KLHL1: variants seen among roughly 807,000 people sequenced by gnomAD.
KLHL1 encodes kelch like family member 1, also known as kelch-like protein 1.
A neutral mutation model predicts 77.7 loss-of-function variants in KLHL1; 47 were observed. The observed-to-expected ratio is 0.60, with a 90% CI of 0.48 to 0.77. KLHL1 has a LOEUF of 0.77. KLHL1 is among the 30% of genes least tolerant of loss of function. The pLI is 0.00. For synonymous variants in KLHL1, 360 were observed against 325.2 expected (o/e 1.11, Z -1.15); for missense variants, 925 against 910.8 (o/e 1.02, Z -0.20).
intron 5 of KLHL1, among the ~76,000 whole-genome samples, chr13:69,849,784 A>AT (rs1478977829): frequency 1.3e-4 from 19 of 151,456 alleles, no homozygotes; most frequent in African/African-American, 4.4e-4. Flanking sequence ...AGGCCCCATG[A>AT]TTTGCTCAAG....
At chr13:70,039,337 G>T (rs553880849) in intron 1 of KLHL1, among the ~76,000 whole-genome samples, 160 of 152,122 alleles carry the variant, frequency 1.1e-3, no homozygotes, top group Non-Finnish European at 1.9e-3. Flanking sequence ...TCCTGCCATG[G>T]CCTCTCAAAG....
chr13:69,975,392 G>C (rs1350268164), intron 2 of KLHL1, among the ~76,000 whole-genome samples: 1 of 151,576 alleles, frequency 6.6e-6, no homozygotes, highest in Non-Finnish European at 1.5e-5. Flanking sequence ...CTTTATAATT[G>C]TTTTGTTTTT....
intron 5 of KLHL1, among the ~76,000 whole-genome samples, chr13:69,849,672 T>C (rs1593885634): frequency 6.6e-6 from 1 of 151,260 alleles, no homozygotes; most frequent in Non-Finnish European, 1.5e-5. Flanking sequence ...AGTTACCATA[T>C]ATGTAGTCAC....
At chr13:69,978,102 T>C (rs1441335161) in intron 1 of KLHL1, among the ~76,000 whole-genome samples, 1 of 152,168 alleles carries the variant, frequency 6.6e-6, no homozygotes, top group Non-Finnish European at 1.5e-5. Context: ...CTTCTCAGCA[T>C]GTATTTTAAG....
chr13:69,774,566 G>A (rs1875734120), intron 7 of KLHL1, among the ~76,000 whole-genome samples: 1 of 151,802 alleles, frequency 6.6e-6, no homozygotes, highest in African/African-American at 2.4e-5. Context: ...TTAAAATGCA[G>A]TGTGAATCTA....
At chr13:69,826,598 G>A (rs887761746) in intron 6 of KLHL1, among the ~76,000 whole-genome samples, 2 of 151,938 alleles carry the variant, frequency 1.3e-5, no homozygotes, top group Admixed American at 1.3e-4. Context: ...AAGAAAGAAA[G>A]AAATGCTGAG....
intron 6 of KLHL1, among the ~76,000 whole-genome samples, chr13:69,802,020 C>T (rs115681714): frequency 0.023 from 3,503 of 152,118 alleles, 133 homozygotes; most frequent in African/African-American, 0.081. Context: ...CCCCTTGCCC[C>T]CCTACCCCCT....
Position 69,719,469 on chromosome 13 carries a change from C to T in KLHL1, c.1915G>A (p.Gly639Ser). The T allele has an allele frequency of 6.2e-7, 1 of 1,613,476 alleles. No individual in the cohort carries two copies. Among genetic ancestry groups the T allele is most frequent in the African/African-American group, 1.3e-5 (1 of 74,922 alleles). The change falls in exon 9 of 11, where the codon GGT (glycine) becomes AGT (serine). Residue 639 changes from glycine to serine, a missense_variant. Coordinates refer to ENST00000377844, the MANE Select transcript of KLHL1 (RefSeq NM_020866.3). ...MCAPMCKRRGGVGVATCDGFL... is the reference protein window; with the variant it reads ...MCAPMCKRRGSVGVATCDGFL... Reference sequence around the variant, plus strand: ...CCGTCACATGTGGCCACTCCGACACCCCCTCTCCTCTTACACATGGGAGCA... The same window carrying T: ...CCGTCACATGTGGCCACTCCGACACTCCCTCTCCTCTTACACATGGGAGCA...
At chr13:69,886,927 G>T (rs1367778874) in intron 4 of KLHL1, among the ~76,000 whole-genome samples, 3 of 152,074 alleles carry the variant, frequency 2.0e-5, no homozygotes, top group Non-Finnish European at 4.4e-5. Flanking sequence ...ATGCACCAGA[G>T]GATATAGAAT....
chr13:69,855,840 G>GGTATTATATATGTTATATAATATATTAT (rs1879891035), intron 5 of KLHL1, among the ~76,000 whole-genome samples: 3 of 141,780 alleles, frequency 2.1e-5, no homozygotes, highest in South Asian at 2.2e-4. Context: ...TTATATATAC[G>GGTATTATATATGTTATATAATATATTAT]GTATTATATA....
At chr13:70,032,361 A>C (rs1018859832) in intron 1 of KLHL1, among the ~76,000 whole-genome samples, 1 of 152,222 alleles carries the variant, frequency 6.6e-6, no homozygotes, top group Admixed American at 6.5e-5. Flanking sequence ...GTGCTTAAAT[A>C]TCAGCCCTTA....
Position 70,046,468 on chromosome 13 carries a change from TTTTG to T in KLHL1, c.497+60731_497+60734del, listed in dbSNP as rs766929135. ...TTCATCTCACTTCATGGTCTATTGT[TTTTG>T]TTTGTTTGTTTTGTTTCATTTTGTT... On this transcript the variant is annotated intron_variant, in intron 1 of 10. Transcript: ENST00000377844. 3.9e-5 allele frequency among the ~76,000 whole-genome samples: 6 copies of T among 152,080 alleles called. No individual in the cohort carries two copies. The South Asian group carries it at 6.2e-4, about 16-fold the overall frequency.
At chr13:70,054,917 T>C (rs1593706873) in intron 1 of KLHL1, among the ~76,000 whole-genome samples, 1 of 151,690 alleles carries the variant, frequency 6.6e-6, no homozygotes, top group East Asian at 1.9e-4. Context: ...AGGAAATACA[T>C]GTGAAAGAAC....
At chr13:70,101,522 G>A (rs1200955587) in intron 1 of KLHL1, among the ~76,000 whole-genome samples, 1 of 152,078 alleles carries the variant, frequency 6.6e-6, no homozygotes, top group African/African-American at 2.4e-5. Context: ...TCCGCCTCCA[G>A]GGTTCAAGCA....
chr13:69,854,969 T>A (rs1412789307), intron 5 of KLHL1, among the ~76,000 whole-genome samples: 2 of 152,068 alleles, frequency 1.3e-5, no homozygotes, highest in Non-Finnish European at 2.9e-5. Context: ...AATTGTTGGC[T>A]ATGAATATTT....
chr13:69,975,507 A>G, intron 2 of KLHL1, 113 bp downstream of exon 2: 17 of 375,116 alleles, frequency 4.5e-5, no homozygotes, highest in Non-Finnish European at 5.9e-5. Flanking sequence ...CAAAAAACTT[A>G]AAAAAATGTG....
chr13:69,759,632 G>A lies in KLHL1; in HGVS notation c.1640-19076C>T, dbSNP rs183053183. Among the ~76,000 whole-genome samples, 79 of 152,260 alleles carry A rather than the reference G, an allele frequency of 5.2e-4. No individual in the cohort carries two copies. The East Asian group carries it at 0.014, about 26-fold the overall frequency. On this transcript the variant is annotated intron_variant, in intron 7 of 10. Transcript: ENST00000377844. ...TTGCCAGCTTACAGATAGTCTGAAT[G>A]TGGAAAAGAAAACTATCCATCTTCT...
chr13:70,107,671 T>C lies in KLHL1; in HGVS notation c.29A>G (p.Asp10Gly), dbSNP rs1219749503. MSGSGRKDF[D>G]VKHILRLRWK... ...GCGGAGTCGCAGAATGTGCTTCACA[T>C]CGAAGTCTTTTCGCCCAGAGCCTGA... The change falls in exon 1 of 11, where the codon GAT (aspartate) becomes GGT (glycine). Residue 10 changes from aspartate (D) to glycine (G), a missense_variant. Physicochemically the swap from Asp to Gly is moderately conservative, Grantham distance 94. Coordinates refer to ENST00000377844, the MANE Select transcript of KLHL1 (RefSeq NM_020866.3). The C allele has an allele frequency of 6.5e-7, 1 of 1,533,414 alleles. No homozygotes were observed. Among genetic ancestry groups the C allele is most frequent in the Non-Finnish European group, 8.7e-7 (1 of 1,145,086 alleles). 95.0% of individuals were successfully genotyped at this position (1,533,414 alleles called of 1,614,324 possible).
intron 1 of KLHL1, among the ~76,000 whole-genome samples, chr13:70,075,350 A>G (rs2137423021): frequency 6.6e-6 from 1 of 151,766 alleles, no homozygotes; most frequent in Non-Finnish European, 1.5e-5. Flanking sequence ...ATAAAAAAAT[A>G]AAAGCTATAA....
Sources: allele counts gnomAD v4.1 joint callset (sites outside exome capture counted in the v4.1 genomes callset), GRCh38; gene constraint gnomAD v4.1.1; transcripts MANE v1.5; gene names NCBI Gene and HGNC (gene_info 2026-07-23, HGNC 2026-07-21).